The following MACROD2 variants were observed in gnomAD, a reference collection of about 807,000 sequenced individuals.
MACROD2 encodes the protein ADP-ribose glycohydrolase MACROD2.
In MACROD2, 36 loss-of-function variants were observed where a neutral mutation model predicts 70.4. That is an observed-to-expected ratio of 0.51 (90% CI 0.39 to 0.68). The LOEUF (loss-of-function observed/expected upper bound fraction) is 0.68. MACROD2 is among the 30% of genes least tolerant of loss of function. The probability of loss-of-function intolerance (pLI) is 0.00; values close to 1 mark genes in which losing one functional copy is unlikely to be tolerated. For synonymous variants in MACROD2, 172 were observed against 178.8 expected (o/e 0.96, Z 0.30); for missense variants, 496 against 538.4 (o/e 0.92, Z 0.78).
intron 8 of MACROD2, among the ~76,000 whole-genome samples, chr20:15,859,471 C>G (rs1355792273): frequency 6.6e-6 from 1 of 152,158 alleles, no homozygotes; most frequent in Non-Finnish European, 1.5e-5. Context: ...TCTTGGAAGA[C>G]ACAGTCTGCC....
At chr20:15,612,853 G>T (rs1007949338) in intron 8 of MACROD2, among the ~76,000 whole-genome samples, 2 of 152,224 alleles carry the variant, frequency 1.3e-5, no homozygotes, top group African/African-American at 4.8e-5. Context: ...TTTGAGAGAA[G>T]TGTGTCTAGT....
At chr20:15,851,463 CCT>C (rs2064297436) in intron 8 of MACROD2, among the ~76,000 whole-genome samples, 1 of 152,006 alleles carries the variant, frequency 6.6e-6, no homozygotes, top group South Asian at 2.1e-4. Flanking sequence ...CCATCTTCCC[CCT>C]GTGTCTTTAC....
chr20:15,886,325 C>T (rs1456968902), intron 10 of MACROD2, among the ~76,000 whole-genome samples: 2 of 152,142 alleles, frequency 1.3e-5, no homozygotes, highest in African/African-American at 2.4e-5. Context: ...GCCTGGGCTT[C>T]CTCAAAGCAT....
chr20:15,817,821 T>G (rs1312537994), intron 8 of MACROD2, among the ~76,000 whole-genome samples: 2 of 152,168 alleles, frequency 1.3e-5, no homozygotes, highest in Non-Finnish European at 2.9e-5. Context: ...CCTCCCTAAT[T>G]AGTTTCAGAA....
intron 3 of MACROD2, among the ~76,000 whole-genome samples, chr20:14,311,856 T>C (rs1270500078): frequency 6.6e-6 from 1 of 152,130 alleles, no homozygotes; most frequent in Admixed American, 6.6e-5. Flanking sequence ...TTCCTTTCTG[T>C]TTACCACTGT....
chr20:14,607,583 G>T (rs559266332), intron 4 of MACROD2, among the ~76,000 whole-genome samples: 1 of 152,264 alleles, frequency 6.6e-6, no homozygotes, highest in South Asian at 2.1e-4. Flanking sequence ...TTCTCACCAT[G>T]TCTTGCAGAC....
rs1179888438 is a variant in MACROD2, at chr20:14,215,204, A to ATTCCATCATATATATATT, written c.271+129495_271+129512dup. 2.7e-5 allele frequency among the ~76,000 whole-genome samples: 4 copies of ATTCCATCATATATATATT among 150,578 alleles called. No individual in the cohort carries two copies. In the Admixed American group the frequency reaches 2.7e-4, roughly 10 times the overall value. ...ATCATATATATTCCATCATATATAT[A>ATTCCATCATATATATATT]TTCCATCATATATATATTTTCCATC... On this transcript the variant is annotated intron_variant, in intron 3 of 17. Coordinates refer to ENST00000684519, the MANE Select transcript of MACROD2 (RefSeq NM_001351661.2).
At chr20:14,938,398 G>A (rs2074360018) in intron 5 of MACROD2, among the ~76,000 whole-genome samples, 1 of 152,058 alleles carries the variant, frequency 6.6e-6, no homozygotes, top group Non-Finnish European at 1.5e-5. Context: ...ACTGGGGTGA[G>A]AGGATATCTC....
Position 14,484,641 on chromosome 20 carries a change from G to A in MACROD2, c.272-8838G>A, listed in dbSNP as rs1301811254. On this transcript the variant is annotated intron_variant, in intron 3 of 17. Coordinates refer to ENST00000684519, the MANE Select transcript of MACROD2 (RefSeq NM_001351661.2). ...ACCCTTCTTTTCTCCATGTCCATGAGTTCAATTATTTTAATTTTTAGCTCC... is the reference window on the plus strand; with the variant it reads ...ACCCTTCTTTTCTCCATGTCCATGAATTCAATTATTTTAATTTTTAGCTCC... 8.6e-5 allele frequency among the ~76,000 whole-genome samples: 13 copies of A among 151,952 alleles called. No homozygotes were observed. The East Asian group carries it at 2.5e-3, about 29-fold the overall frequency.
intron 3 of MACROD2, among the ~76,000 whole-genome samples, chr20:14,155,171 T>TGTGTG (rs1569182638): frequency 3.3e-5 from 5 of 152,308 alleles, no homozygotes; most frequent in Non-Finnish European, 5.9e-5. Context: ...TATATATAAC[T>TGTGTG]CATATATACA....
chr20:15,288,354 T>G (rs2077510555), intron 6 of MACROD2, among the ~76,000 whole-genome samples: 1 of 152,332 alleles, frequency 6.6e-6, no homozygotes, highest in South Asian at 2.1e-4. Flanking sequence ...TTAATCTTGA[T>G]GCCTAGAGAT....
chr20:15,225,191 C>T lies in MACROD2; in HGVS notation c.419-4749C>T, dbSNP rs60033580. Among the ~76,000 whole-genome samples the T allele has an allele frequency of 5.5e-4, 84 of 151,752 alleles. No homozygotes were observed. In the East Asian group the frequency reaches 0.013, roughly 24 times the overall value. On this transcript the variant is annotated intron_variant, in intron 5 of 17. Transcript: ENST00000684519. Reference sequence around the variant, plus strand: ...CTAGGAAAATAAAAGAAAGATATACCTAGGGGAGTCATTCTGTTAAATTCC... The same window carrying T: ...CTAGGAAAATAAAAGAAAGATATACTTAGGGGAGTCATTCTGTTAAATTCC...
intron 6 of MACROD2, among the ~76,000 whole-genome samples, chr20:15,251,041 C>A (rs1305127334): frequency 6.6e-6 from 1 of 152,016 alleles, no homozygotes; most frequent in African/African-American, 2.4e-5. Flanking sequence ...GGAATGTTGT[C>A]TACATTGTGA....
At chr20:14,839,237 G>A (rs2073062266) in intron 5 of MACROD2, among the ~76,000 whole-genome samples, 1 of 152,072 alleles carries the variant, frequency 6.6e-6, no homozygotes, top group Admixed American at 6.6e-5. Flanking sequence ...GCACCTGTTA[G>A]CTGATTTGTT....
At chr20:14,472,179 G>C (rs953352816) in intron 3 of MACROD2, among the ~76,000 whole-genome samples, 4 of 152,054 alleles carry the variant, frequency 2.6e-5, no homozygotes, top group Admixed American at 6.5e-5. Context: ...TCTAGCAACT[G>C]ATTACTGTTT....
At chr20:14,517,775 A>G (rs913931382) in intron 4 of MACROD2, among the ~76,000 whole-genome samples, 9 of 152,150 alleles carry the variant, frequency 5.9e-5, no homozygotes, top group African/African-American at 1.9e-4. Flanking sequence ...GCCATATACT[A>G]AAAAAAGTAT....
intron 8 of MACROD2, among the ~76,000 whole-genome samples, chr20:15,844,549 A>G (rs567190702): frequency 5.3e-5 from 8 of 152,288 alleles, no homozygotes; most frequent in East Asian, 1.9e-4. Flanking sequence ...AGATTATGCA[A>G]CTAGTAAGTG....
intron 4 of MACROD2, among the ~76,000 whole-genome samples, chr20:14,641,524 A>G (rs953144755): frequency 1.3e-5 from 2 of 152,188 alleles, no homozygotes. Flanking sequence ...TATGTCAGCT[A>G]TGGGCTTACA....
chr20:14,792,675 GC>G (rs1364673310), intron 5 of MACROD2, among the ~76,000 whole-genome samples: 3 of 151,996 alleles, frequency 2.0e-5, no homozygotes, highest in African/African-American at 7.3e-5. Context: ...GAGGACCTGG[GC>G]TGTCACCTTG....
Sources: allele counts gnomAD v4.1 joint callset (sites outside exome capture counted in the v4.1 genomes callset), GRCh38; gene constraint gnomAD v4.1.1; transcripts MANE v1.5; gene names NCBI Gene and HGNC (gene_info 2026-07-23, HGNC 2026-07-21).